The following KCMF1 variants were observed in gnomAD, a reference collection of about 807,000 sequenced individuals.
KCMF1 encodes potassium channel modulatory factor 1, also known as E3 ubiquitin-protein ligase KCMF1.
KCMF1 carries 3 observed loss-of-function variants against 41.1 expected under a neutral mutation model. That is an observed-to-expected ratio of 0.07 (90% CI 0.03 to 0.19). The LOEUF (loss-of-function observed/expected upper bound fraction) is 0.19. KCMF1 is among the 10% of genes least tolerant of loss of function. The pLI is 1.00. For missense variants in KCMF1, 286 were observed against 488.9 expected (o/e 0.58, Z 3.91); for synonymous variants, 142 against 164.5 (o/e 0.86, Z 1.04).
chr2:85,026,492 A>ATTTTTATTT (rs1553381469), intron 1 of KCMF1, among the ~76,000 whole-genome samples: 1 of 143,140 alleles, frequency 7.0e-6, no homozygotes, highest in African/African-American at 2.7e-5. Flanking sequence ...TATTATTATT[A>ATTTTTATTT]TTATTTTTAT....
chr2:84,985,344 G>A (rs1344189429), intron 1 of KCMF1, among the ~76,000 whole-genome samples: 2 of 152,116 alleles, frequency 1.3e-5, no homozygotes, highest in Non-Finnish European at 2.9e-5. Context: ...TAAATGGCAG[G>A]GGGTGGAAAG....
At chr2:85,017,607 C>T (rs895988876) in intron 1 of KCMF1, among the ~76,000 whole-genome samples, 2 of 138,032 alleles carry the variant, frequency 1.4e-5, no homozygotes, top group Non-Finnish European at 3.1e-5. Context: ...AAGTCAAAAT[C>T]GGCTGTCAAT....
intron 1 of KCMF1, among the ~76,000 whole-genome samples, chr2:84,996,014 A>G (rs922454869): frequency 6.6e-6 from 1 of 152,228 alleles, no homozygotes; most frequent in African/African-American, 2.4e-5. Context: ...CACAAGCAGT[A>G]TTGCCGTCAA....
chr2:84,971,689 G>A (rs1673397985), intron 1 of KCMF1, among the ~76,000 whole-genome samples: 2 of 150,934 alleles, frequency 1.3e-5, no homozygotes, highest in Non-Finnish European at 3.0e-5. Context: ...GAGGCGGGGC[G>A]GCCCGGGCGG....
At chr2:85,013,654 C>T (rs1168012896) in intron 1 of KCMF1, among the ~76,000 whole-genome samples, 1 of 151,998 alleles carries the variant, frequency 6.6e-6, no homozygotes, top group Non-Finnish European at 1.5e-5. Flanking sequence ...AAAAATTAGC[C>T]AGGCATGGTG....
At chr2:85,046,800 G>A (rs923261409) in intron 5 of KCMF1, among the ~76,000 whole-genome samples, 12 of 152,206 alleles carry the variant, frequency 7.9e-5, no homozygotes, top group Non-Finnish European at 1.3e-4. Context: ...CTTAAGTCCA[G>A]TAGTCCCCCC....
chr2:85,008,650 G>A (rs553074566), intron 1 of KCMF1, among the ~76,000 whole-genome samples: 92 of 151,604 alleles, frequency 6.1e-4, no homozygotes, highest in Non-Finnish European at 1.2e-3. Context: ...GCATTGCTTT[G>A]TTGGACCTGA....
chr2:85,023,048 T>C (rs866256362), intron 1 of KCMF1, among the ~76,000 whole-genome samples: 10 of 151,940 alleles, frequency 6.6e-5, no homozygotes, highest in Admixed American at 2.0e-4. Context: ...CCATCACGCC[T>C]GGCTAATTTT....
intron 1 of KCMF1, among the ~76,000 whole-genome samples, chr2:84,988,257 G>C (rs1467594469): frequency 6.6e-6 from 1 of 151,864 alleles, no homozygotes; most frequent in East Asian, 1.9e-4. Flanking sequence ...TAGGCTTCTT[G>C]GGAATGGGGG....
chr2:84,979,379 CTG>C, intron 1 of KCMF1, among the ~76,000 whole-genome samples: 1 of 152,050 alleles, frequency 6.6e-6, no homozygotes, highest in Non-Finnish European at 1.5e-5. Flanking sequence ...AAAAAAATAT[CTG>C]GGCGTGATGG....
intron 1 of KCMF1, 132 bp downstream of exon 1, chr2:84,971,599 C>A: frequency 3.0e-6 from 1 of 338,700 alleles, no homozygotes; most frequent in Non-Finnish European, 4.5e-6. Context: ...AGGCGCTGGA[C>A]CCGGGAGCGA....
At chr2:84,985,238 C>T (rs113091208) in intron 1 of KCMF1, among the ~76,000 whole-genome samples, 2,668 of 152,200 alleles carry the variant, frequency 0.018, 62 homozygotes, top group African/African-American at 0.061. Flanking sequence ...TGGACACCCT[C>T]GCATTGTAGG....
chr2:85,046,127 T>C lies in KCMF1; in HGVS notation c.450T>C (p.His150=). The change falls in exon 5 of 7, where the codon CAT becomes CAC. Residue 150 remains histidine (H), a synonymous_variant. Coordinates refer to ENST00000409785, the MANE Select transcript of KCMF1 (RefSeq NM_020122.5). ...ATGATGAATCGAGTGGTGTTCGACATGTACGTAGAATGTTTCACCCTGGCC... is the reference window on the plus strand; with the variant it reads ...ATGATGAATCGAGTGGTGTTCGACACGTACGTAGAATGTTTCACCCTGGCC... ...RDLDESSGVR[H]VRRMFHPGRG... 2 of 1,613,478 alleles carry C rather than the reference T, an allele frequency of 1.2e-6. No homozygotes were observed. The highest frequency in any genetic ancestry group is 1.7e-6 in the Non-Finnish European group (2 of 1,179,662).
intron 2 of KCMF1, among the ~76,000 whole-genome samples, chr2:85,032,785 G>A (rs1675307726): frequency 1.3e-5 from 2 of 152,210 alleles, no homozygotes; most frequent in Non-Finnish European, 2.9e-5. Flanking sequence ...CAAAGTGCTA[G>A]GATTATAGGC....
intron 1 of KCMF1, among the ~76,000 whole-genome samples, chr2:85,020,309 A>G (rs924891343): frequency 2.8e-4 from 42 of 152,190 alleles, no homozygotes; most frequent in Admixed American, 2.4e-3. Flanking sequence ...TTTTTTGTCA[A>G]TATTATTATA....
chr2:85,008,291 T>TATATAATATATAATATGATATATATATA (rs1486177880), intron 1 of KCMF1, among the ~76,000 whole-genome samples: 2 of 14,624 alleles, frequency 1.4e-4, no homozygotes, highest in Non-Finnish European at 1.7e-4. Context: ...TGATATATAA[T>TATATAATATATAATATGATATATATATA]ATATATAATA....
chr2:85,016,251 A>T (rs189457346), intron 1 of KCMF1, among the ~76,000 whole-genome samples: 1 of 152,104 alleles, frequency 6.6e-6, no homozygotes, highest in Non-Finnish European at 1.5e-5. Context: ...CTCTTTAGCC[A>T]TAGGTTTTCT....
chr2:85,028,922 C>T (rs899866024), intron 2 of KCMF1, among the ~76,000 whole-genome samples: 4 of 152,166 alleles, frequency 2.6e-5, no homozygotes, highest in African/African-American at 9.7e-5. Context: ...GAAATATGCT[C>T]TGTCTTTTGT....
intron 1 of KCMF1, among the ~76,000 whole-genome samples, chr2:84,995,027 ATT>A (rs55946241): frequency 6.8e-6 from 1 of 147,016 alleles, no homozygotes; most frequent in Non-Finnish European, 1.5e-5. Context: ...AATTTTATTA[ATT>A]TTTTTTTTTT....
Sources: allele counts gnomAD v4.1 joint callset (sites outside exome capture counted in the v4.1 genomes callset), GRCh38; gene constraint gnomAD v4.1.1; transcripts MANE v1.5; gene names NCBI Gene and HGNC (gene_info 2026-07-23, HGNC 2026-07-21).